Variants in F13A1 observed in about 807,000 individuals in gnomAD.
The protein encoded by F13A1 is FSF, A subunit.
F13A1 carries 47 observed loss-of-function variants against 80.1 expected under a neutral mutation model. The observed-to-expected ratio is 0.59, with a 90% CI of 0.46 to 0.75. The LOEUF is 0.75. Ranked by LOEUF, F13A1 falls within the 30% of genes least tolerant of loss-of-function variation. The pLI is 0.00. For missense variants in F13A1, 817 were observed against 930.4 expected (o/e 0.88, Z 1.59); for synonymous variants, 349 against 344.9 (o/e 1.01, Z -0.13).
chr6:6,301,097 T>C (rs573812894), intron 3 of F13A1, among the ~76,000 whole-genome samples: 1 of 152,322 alleles, frequency 6.6e-6, no homozygotes, highest in African/African-American at 2.4e-5. Flanking sequence ...TTGTCTCTTC[T>C]CATTATAGCA....
intron 13 of F13A1, among the ~76,000 whole-genome samples, chr6:6,158,870 C>T (rs186813026): frequency 6.3e-4 from 95 of 151,822 alleles, no homozygotes; most frequent in Middle Eastern, 3.4e-3. Flanking sequence ...TTGGGGCACT[C>T]ATTATATCTC....
rs1169602353 is a variant in F13A1, at chr6:6,253,139, TC to T, written c.572-2211del. On this transcript the variant is annotated intron_variant, in intron 4 of 14. Transcript: ENST00000264870. ...GGCTGGGCAACAGAGCTAGAATCTGTCCCAAAAAAAAAAAAAAAAAAAAAGA... is the reference window on the plus strand; with the variant it reads ...GGCTGGGCAACAGAGCTAGAATCTGTCCAAAAAAAAAAAAAAAAAAAAAGA... Among the ~76,000 whole-genome samples, 646 of 70,528 alleles carry T rather than the reference TC, an allele frequency of 9.2e-3. 4 individuals carry two copies. The highest frequency in any genetic ancestry group is 0.036 in the African/African-American group (613 of 17,172). The allele number at this position is 70,528 out of a possible 152,430, so 46.3% of individuals were successfully genotyped here.
At chr6:6,247,779 C>T (rs1031539639) in intron 6 of F13A1, among the ~76,000 whole-genome samples, 1 of 152,178 alleles carries the variant, frequency 6.6e-6, no homozygotes, top group Non-Finnish European at 1.5e-5. Flanking sequence ...TGAGTAATGG[C>T]TGCCCTACTT....
At chr6:6,146,052 C>T (rs1002239238) in intron 14 of F13A1, among the ~76,000 whole-genome samples, 1 of 152,106 alleles carries the variant, frequency 6.6e-6, no homozygotes, top group African/African-American at 2.4e-5. Flanking sequence ...GGGCTGATTC[C>T]CATCCAACCA....
At chr6:6,161,549 TGTGAGAGA>T (rs1561639140) in intron 13 of F13A1, among the ~76,000 whole-genome samples, 2 of 149,408 alleles carry the variant, frequency 1.3e-5, no homozygotes, top group African/African-American at 5.0e-5. Context: ...TGTGTGTGTG[TGTGAGAGA>T]GAGAGAGAGA....
intron 8 of F13A1, among the ~76,000 whole-genome samples, chr6:6,213,051 G>C (rs925153869): frequency 3.3e-5 from 5 of 152,314 alleles, no homozygotes; most frequent in African/African-American, 1.2e-4. Flanking sequence ...ATCTACGTCT[G>C]ATTGGTGTAC....
At chr6:6,316,974 C>T (rs980521556) in intron 2 of F13A1, among the ~76,000 whole-genome samples, 6 of 152,092 alleles carry the variant, frequency 3.9e-5, no homozygotes, top group Non-Finnish European at 8.8e-5. Flanking sequence ...CCCGTTTTTC[C>T]CAATCCTGGC....
intron 4 of F13A1, among the ~76,000 whole-genome samples, chr6:6,266,018 T>C (rs1757838941): frequency 6.6e-6 from 1 of 152,226 alleles, no homozygotes; most frequent in African/African-American, 2.4e-5. Flanking sequence ...CACAAATAAC[T>C]AACTGCAACT....
At chr6:6,199,030 G>A (rs1484337280) in intron 8 of F13A1, among the ~76,000 whole-genome samples, 4 of 152,222 alleles carry the variant, frequency 2.6e-5, no homozygotes, top group Non-Finnish European at 4.4e-5. Context: ...TCTGCTGTGT[G>A]TTGTGGCTGG....
intron 4 of F13A1, among the ~76,000 whole-genome samples, chr6:6,264,591 C>A (rs758816448): frequency 1.6e-4 from 24 of 152,102 alleles, no homozygotes; most frequent in Non-Finnish European, 2.2e-4. Context: ...ACAGATAACT[C>A]CCAAATATAT....
At chr6:6,260,872 G>C (rs1425602699) in intron 4 of F13A1, among the ~76,000 whole-genome samples, 1 of 152,170 alleles carries the variant, frequency 6.6e-6, no homozygotes, top group African/African-American at 2.4e-5. Context: ...GAGAGAGAAG[G>C]GGTGGTAAGG....
At chr6:6,281,712 G>A (rs995212471) in intron 3 of F13A1, among the ~76,000 whole-genome samples, 3 of 151,744 alleles carry the variant, frequency 2.0e-5, no homozygotes, top group African/African-American at 4.8e-5. Context: ...TATGGAGGAC[G>A]GCCGGGCTTG....
intron 13 of F13A1, 53 bp from the exon 14 acceptor site, chr6:6,152,002 C>T: frequency 6.2e-7 from 1 of 1,606,044 alleles, no homozygotes; most frequent in Non-Finnish European, 8.5e-7. Context: ...GTTCTGCTCT[C>T]TTGTTGTCTT....
chr6:6,163,622 A>G (rs368381041), intron 13 of F13A1, among the ~76,000 whole-genome samples: 25 of 152,254 alleles, frequency 1.6e-4, no homozygotes, highest in East Asian at 1.4e-3. Flanking sequence ...TTAGTTTGCT[A>G]AGATAATGGT....
chr6:6,200,511 A>G (rs919055595), intron 8 of F13A1, among the ~76,000 whole-genome samples: 1 of 150,652 alleles, frequency 6.6e-6, no homozygotes, highest in Non-Finnish European at 1.5e-5. Flanking sequence ...TGATTGCACC[A>G]CTGCACTCCA....
chr6:6,251,160 C>T (rs947459698), intron 4 of F13A1, among the ~76,000 whole-genome samples: 7 of 152,146 alleles, frequency 4.6e-5, no homozygotes, highest in Non-Finnish European at 1.0e-4. Flanking sequence ...AAAATGCTGA[C>T]GAACTCTGGC....
At position 6,221,523 on chromosome 6, in the gene F13A1, C is replaced by G. The variant is rs142109979; in HGVS notation, c.1112+510G>C. Among the ~76,000 whole-genome samples the G allele has an allele frequency of 7.1e-3, 1,080 of 152,232 alleles. 5 individuals are homozygous for G. The highest frequency in any genetic ancestry group is 0.041 in the Middle Eastern group (12 of 294). ...ATTCCCAGCTCAACAGATGTATGACCGTGAGCAAGCCTTTTTGGGCCTCAG... is the reference window on the plus strand; with the variant it reads ...ATTCCCAGCTCAACAGATGTATGACGGTGAGCAAGCCTTTTTGGGCCTCAG... On this transcript the variant is annotated intron_variant, in intron 8 of 14. Transcript: ENST00000264870.
chr6:6,283,874 A>G (rs1758099971), intron 3 of F13A1, among the ~76,000 whole-genome samples: 3 of 152,212 alleles, frequency 2.0e-5, no homozygotes, highest in Admixed American at 2.0e-4. Flanking sequence ...CAGCTGTAAG[A>G]GAAGATAGAA....
At chr6:6,292,597 A>T (rs1016732166) in intron 3 of F13A1, among the ~76,000 whole-genome samples, 3 of 152,150 alleles carry the variant, frequency 2.0e-5, no homozygotes, top group African/African-American at 7.2e-5. Flanking sequence ...TGAAAACACC[A>T]TCCAACACCG....
Sources: allele counts gnomAD v4.1 joint callset (sites outside exome capture counted in the v4.1 genomes callset), GRCh38; gene constraint gnomAD v4.1.1; transcripts MANE v1.5; gene names NCBI Gene and HGNC (gene_info 2026-07-23, HGNC 2026-07-21).